The following RBFOX1 variants were observed in gnomAD, a reference collection of about 807,000 sequenced individuals.
The protein encoded by RBFOX1 is RNA binding protein fox-1 homolog 1.
RBFOX1 carries 8 observed loss-of-function variants against 57.7 expected under a neutral mutation model. The observed-to-expected ratio is 0.14, with a 90% CI of 0.08 to 0.25. The LOEUF (loss-of-function observed/expected upper bound fraction) is 0.25. Ranked by LOEUF, RBFOX1 falls within the 10% of genes least tolerant of loss-of-function variation. The pLI is 1.00. For synonymous variants in RBFOX1, 326 were observed against 222.4 expected, an observed-to-expected ratio of 1.47 and a Z score of -4.15; for missense variants, 611 against 548.5, an observed-to-expected ratio of 1.11 and a Z score of -1.14.
intron 4 of RBFOX1, among the ~76,000 whole-genome samples, chr16:7,473,435 T>A (rs1009831937): frequency 6.8e-6 from 1 of 148,136 alleles, no homozygotes; most frequent in Non-Finnish European, 1.5e-5. Context: ...GTATATAATA[T>A]ATATTTTATA....
At chr16:7,548,683 G>A (rs988715175) in intron 5 of RBFOX1, among the ~76,000 whole-genome samples, 4 of 152,138 alleles carry the variant, frequency 2.6e-5, no homozygotes, top group Non-Finnish European at 4.4e-5. Context: ...AGCCAGTTTC[G>A]GCTGCTGTTC....
chr16:7,420,896 T>C lies in RBFOX1; in HGVS notation c.28-97251T>C, dbSNP rs59894302. ...ATATCTTTTAAAATATATATATATATACACACATATATATACATATATATA... is the reference window on the plus strand; with the variant it reads ...ATATCTTTTAAAATATATATATATACACACACATATATATACATATATATA... On this transcript the variant is annotated intron_variant, in intron 4 of 15. Transcript: ENST00000550418. Among the ~76,000 whole-genome samples the C allele has an allele frequency of 9.3e-4, 129 of 138,156 alleles. 1 individual carries two copies. The highest frequency in any genetic ancestry group is 2.5e-3 in the African/African-American group (92 of 36,782). The allele number at this position is 138,156 out of a possible 152,430, so 90.6% of individuals were successfully genotyped here.
At chr16:5,861,628 GCCTTCAC>G (rs1173912608) in intron 3 of RBFOX1, among the ~76,000 whole-genome samples, 1 of 152,182 alleles carries the variant, frequency 6.6e-6, no homozygotes. Flanking sequence ...AACATAAGCA[GCCTTCAC>G]CCATAGGACT....
intron 2 of RBFOX1, among the ~76,000 whole-genome samples, chr16:6,324,292 G>A (rs1360640615): frequency 2.0e-5 from 3 of 152,094 alleles, no homozygotes; most frequent in African/African-American, 7.2e-5. Context: ...TACTGATAAT[G>A]AGGAATTGAA....
At chr16:7,684,876 C>T (rs957237617) in intron 14 of RBFOX1, among the ~76,000 whole-genome samples, 4 of 152,148 alleles carry the variant, frequency 2.6e-5, no homozygotes, top group Admixed American at 6.6e-5. Flanking sequence ...TCAGAATGAT[C>T]GTTTCCCCAC....
At chr16:6,841,867 G>A (rs779674906) in intron 3 of RBFOX1, among the ~76,000 whole-genome samples, 81 of 152,024 alleles carry the variant, frequency 5.3e-4, no homozygotes, top group Admixed American at 1.3e-4. Flanking sequence ...GGCCGGGCGC[G>A]GTGGCTCACG....
At chr16:6,850,670 C>G (rs1231808063) in intron 3 of RBFOX1, among the ~76,000 whole-genome samples, 1 of 152,154 alleles carries the variant, frequency 6.6e-6, no homozygotes, top group Non-Finnish European at 1.5e-5. Flanking sequence ...TTCATTTTAA[C>G]TTCCGTTACA....
chr16:5,454,941 TCC>T (rs1491483463), intron 1 of RBFOX1, among the ~76,000 whole-genome samples: 924 of 50,782 alleles, frequency 0.018, 9 homozygotes, highest in Middle Eastern at 0.033. Flanking sequence ...CTTCCTTCCT[TCC>T]TTCCTTCCTT....
At chr16:6,719,861 G>A (rs1327011661) in intron 3 of RBFOX1, among the ~76,000 whole-genome samples, 1 of 151,988 alleles carries the variant, frequency 6.6e-6, no homozygotes, top group Non-Finnish European at 1.5e-5. Context: ...GGGAAGCCTG[G>A]GCGGGCGGAT....
At chr16:6,745,824 G>T (rs893917882) in intron 3 of RBFOX1, among the ~76,000 whole-genome samples, 1 of 152,118 alleles carries the variant, frequency 6.6e-6, no homozygotes, top group South Asian at 2.1e-4. Context: ...CATCTGTTTA[G>T]AGAAGAAAAA....
At chr16:7,285,117 C>G (rs1007421670) in intron 4 of RBFOX1, among the ~76,000 whole-genome samples, 2 of 35,556 alleles carry the variant, frequency 5.6e-5, no homozygotes, top group African/African-American at 2.2e-4. Context: ...GCAACCTGTT[C>G]TTATCCTTTA....
intron 1 of RBFOX1, among the ~76,000 whole-genome samples, chr16:6,214,629 C>G (rs1392944018): frequency 7.9e-5 from 5 of 63,008 alleles, no homozygotes; most frequent in African/African-American, 1.9e-4. Context: ...GGGAGAAAGA[C>G]AGGGAGAGGG....
chr16:6,247,685 C>T (rs775309011), intron 1 of RBFOX1, among the ~76,000 whole-genome samples: 10 of 152,210 alleles, frequency 6.6e-5, no homozygotes, highest in Middle Eastern at 3.4e-3. Context: ...AAGATACTTG[C>T]CAAAGTCATG....
At chr16:5,620,313 G>A (rs142199503) in intron 3 of RBFOX1, among the ~76,000 whole-genome samples, 3 of 151,890 alleles carry the variant, frequency 2.0e-5, no homozygotes, top group South Asian at 2.1e-4. Context: ...CCACATTGCC[G>A]CATCTCTACA....
intron 3 of RBFOX1, among the ~76,000 whole-genome samples, chr16:5,623,582 T>C (rs1223057394): frequency 6.6e-6 from 1 of 152,166 alleles, no homozygotes; most frequent in Non-Finnish European, 1.5e-5. Flanking sequence ...AACTGCTTTC[T>C]TAAAGCCTCT....
chr16:5,454,872 T>TTC (rs2068549025), intron 1 of RBFOX1, among the ~76,000 whole-genome samples: 1 of 99,368 alleles, frequency 1.0e-5, no homozygotes, highest in African/African-American at 3.6e-5. Flanking sequence ...CTTTCTTTCT[T>TTC]TCTTTCTTTC....
intron 3 of RBFOX1, among the ~76,000 whole-genome samples, chr16:5,697,410 A>G (rs992666717): frequency 7.3e-5 from 11 of 151,090 alleles, no homozygotes; most frequent in Non-Finnish European, 4.4e-5. Context: ...ATAGTGTTAT[A>G]TATAATAATA....
intron 5 of RBFOX1, 105 bp downstream of exon 5, chr16:7,518,494 C>A: frequency 6.9e-7 from 1 of 1,454,834 alleles, no homozygotes; most frequent in Non-Finnish European, 9.1e-7. Flanking sequence ...CTCTGGGAAA[C>A]AGATCAGTCC....
At position 7,205,358 on chromosome 16, in the gene RBFOX1, AAATAC is replaced by A. The variant is rs1237641753; in HGVS notation, c.27+153263_27+153267del. ...CATGGTGAAACCTCATTTCTACTAA[AAATAC>A]AAAAATTAGCTGGGTGTGGTGGTGC... On this transcript the variant is annotated intron_variant, in intron 4 of 15. Transcript: ENST00000550418. Among the ~76,000 whole-genome samples, 20 of 152,058 alleles carry A rather than the reference AAATAC, an allele frequency of 1.3e-4. No homozygotes were observed. The South Asian group carries it at 4.0e-3, about 30-fold the overall frequency.
Sources: allele counts gnomAD v4.1 joint callset (sites outside exome capture counted in the v4.1 genomes callset), GRCh38; gene constraint gnomAD v4.1.1; transcripts MANE v1.5; gene names NCBI Gene and HGNC (gene_info 2026-07-23, HGNC 2026-07-21).